The following FBXL17 variants were observed in gnomAD, a reference collection of about 807,000 sequenced individuals.
FBXL17 encodes F-box and leucine rich repeat protein 17.
Under a neutral mutation model 66.2 loss-of-function variants are expected in FBXL17, and 22 were observed. The observed-to-expected ratio is 0.33, with a 90% CI of 0.24 to 0.47. The LOEUF (loss-of-function observed/expected upper bound fraction) is 0.47. FBXL17 is among the 20% of genes least tolerant of loss of function. The probability of loss-of-function intolerance (pLI) is 1.00; values close to 1 mark genes in which losing one functional copy is unlikely to be tolerated. For missense variants in FBXL17, 878 were observed against 948.2 expected, an observed-to-expected ratio of 0.93 and a Z score of 0.97; for synonymous variants, 474 against 400.5, an observed-to-expected ratio of 1.18 and a Z score of -2.19.
In FBXL17 at chr5:108,053,350, GA is replaced by G. The variant is rs935264017; in HGVS notation, c.1746-32350del. ...ACAAGAAACTTAAACAAATTTACAA[GA>G]AAAAAAACAACCCTATCAAAAAGTG... is the stretch of plus-strand genomic sequence containing the variant. On this transcript the variant is annotated intron_variant, in intron 6 of 8. Coordinates refer to ENST00000542267, the MANE Select transcript of FBXL17 (RefSeq NM_001163315.3). 1.1e-4 allele frequency among the ~76,000 whole-genome samples: 17 copies of G among 151,072 alleles called. No homozygotes were observed. In the East Asian group the frequency reaches 2.2e-3, roughly 19 times the overall value.
chr5:108,328,536 G>T (rs1175715317), intron 4 of FBXL17, among the ~76,000 whole-genome samples: 3 of 152,012 alleles, frequency 2.0e-5, no homozygotes, highest in Non-Finnish European at 2.9e-5. Context: ...CAATAATGAA[G>T]TCTTGTAGAA....
intron 1 of FBXL17, among the ~76,000 whole-genome samples, chr5:108,371,821 TG>T (rs1162495528): frequency 2.6e-5 from 4 of 152,218 alleles, no homozygotes; most frequent in Non-Finnish European, 5.9e-5. Flanking sequence ...TTAGAGCAAG[TG>T]GAAGTGTTAT....
At chr5:108,254,442 T>C (rs184248244) in intron 4 of FBXL17, among the ~76,000 whole-genome samples, 108 of 152,296 alleles carry the variant, frequency 7.1e-4, no homozygotes, top group African/African-American at 2.6e-3. Flanking sequence ...GCTTTCCTTT[T>C]CTCCACTGTT....
chr5:108,193,104 C>T (rs1753535769), intron 5 of FBXL17, among the ~76,000 whole-genome samples: 1 of 152,182 alleles, frequency 6.6e-6, no homozygotes. Context: ...CAGTACTGCA[C>T]ATATTGACTT....
At chr5:108,030,922 A>C (rs1031587574) in intron 6 of FBXL17, among the ~76,000 whole-genome samples, 6 of 152,096 alleles carry the variant, frequency 3.9e-5, no homozygotes, top group African/African-American at 7.2e-5. Flanking sequence ...TATAGAAAAA[A>C]ATAAAGTTAG....
At chr5:108,192,634 A>G (rs760161657) in intron 5 of FBXL17, among the ~76,000 whole-genome samples, 10 of 152,144 alleles carry the variant, frequency 6.6e-5, no homozygotes, top group Non-Finnish European at 1.3e-4. Context: ...TCTACTAAAA[A>G]TACAAAAATT....
chr5:107,985,551 T>C (rs1424067571), intron 7 of FBXL17, among the ~76,000 whole-genome samples: 1 of 152,212 alleles, frequency 6.6e-6, no homozygotes, highest in Non-Finnish European at 1.5e-5. Context: ...CCTTCTTAAA[T>C]TAGTCTCTTG....
intron 4 of FBXL17, among the ~76,000 whole-genome samples, chr5:108,303,449 C>T (rs1758692553): frequency 6.6e-6 from 1 of 151,428 alleles, no homozygotes. Context: ...GTTGGTCTTC[C>T]AATTTAAGAC....
At chr5:107,972,215 A>G (rs1325106358) in intron 7 of FBXL17, among the ~76,000 whole-genome samples, 1 of 152,260 alleles carries the variant, frequency 6.6e-6, no homozygotes, top group Non-Finnish European at 1.5e-5. Context: ...AGAGAAAACA[A>G]AAAGTGTACT....
intron 6 of FBXL17, among the ~76,000 whole-genome samples, chr5:108,137,896 C>A (rs774328126): frequency 6.6e-6 from 1 of 152,092 alleles, no homozygotes. Flanking sequence ...CCTAGACTAT[C>A]GATAATCTGG....
chr5:108,315,958 C>T (rs1759342891), intron 4 of FBXL17, among the ~76,000 whole-genome samples: 1 of 151,266 alleles, frequency 6.6e-6, no homozygotes, highest in South Asian at 2.1e-4. Context: ...GGGCACAAAA[C>T]ATAATTGGAG....
intron 6 of FBXL17, among the ~76,000 whole-genome samples, chr5:108,052,488 C>G (rs374494385): frequency 5.9e-5 from 9 of 152,164 alleles, no homozygotes; most frequent in Non-Finnish European, 1.2e-4. Flanking sequence ...ATACAGCTAA[C>G]AAGGGATGTG....
chr5:108,322,003 C>T (rs1759642343), intron 4 of FBXL17, among the ~76,000 whole-genome samples: 2 of 151,862 alleles, frequency 1.3e-5, no homozygotes, highest in African/African-American at 4.8e-5. Flanking sequence ...TCAGATACCA[C>T]TTCTTGACTG....
rs569684627 is a variant in FBXL17 at position 108,276,213 on chromosome 5, T to C, written c.1507-51985A>G. 9.2e-5 allele frequency among the ~76,000 whole-genome samples: 14 copies of C among 152,312 alleles called. No individual in the cohort carries two copies. The Middle Eastern group carries it at 0.01, about 112-fold the overall frequency. On this transcript the variant is annotated intron_variant, in intron 4 of 8. Transcript: ENST00000542267. ...CACTGTACTACAGAACTTTAAGAAA[T>C]TGACATAGCAGTTTATTTTAAATCC...
chr5:107,995,530 T>A (rs1334619755), intron 7 of FBXL17, among the ~76,000 whole-genome samples: 1 of 151,778 alleles, frequency 6.6e-6, no homozygotes, highest in African/African-American at 2.4e-5. Context: ...CCCTTACTTT[T>A]AAGAAAAAAA....
chr5:107,895,912 TTCTC>T (rs1201811594), intron 7 of FBXL17, among the ~76,000 whole-genome samples: 2 of 152,164 alleles, frequency 1.3e-5, no homozygotes, highest in African/African-American at 4.8e-5. Flanking sequence ...TTCTGGCACT[TTCTC>T]TCTGTCATCC....
chr5:107,943,109 G>A (rs1443618011), intron 7 of FBXL17, among the ~76,000 whole-genome samples: 1 of 152,018 alleles, frequency 6.6e-6, no homozygotes, highest in East Asian at 1.9e-4. Context: ...ATGTAGGTGA[G>A]CCCAGGCTCT....
chr5:108,008,087 C>G (rs1313958245), intron 7 of FBXL17, among the ~76,000 whole-genome samples: 1 of 152,130 alleles, frequency 6.6e-6, no homozygotes, highest in Non-Finnish European at 1.5e-5. Flanking sequence ...AACAATAATA[C>G]ACTTCACAGG....
At position 107,859,137 on chromosome 5, in the gene FBXL17, A is replaced by G. The variant is rs1005668232; in HGVS notation, c.*2583T>C. 4 of 152,206 alleles carry G rather than the reference A, an allele frequency of 2.6e-5. No individual in the cohort carries two copies. The highest frequency in any genetic ancestry group is 5.9e-5 in the Non-Finnish European group (4 of 68,030). The allele number at this position is 152,206 out of a possible 1,614,324, so 9.4% of individuals were successfully genotyped here. On this transcript the variant is annotated 3_prime_UTR_variant, in exon 9 of 9. Coordinates refer to ENST00000542267, the MANE Select transcript of FBXL17 (RefSeq NM_001163315.3). ...TTCTTTATCCACTCAAAAAGACATT[A>G]AAGACAAAGGACCAGAATTTTCCAC...
Sources: allele counts gnomAD v4.1 joint callset (sites outside exome capture counted in the v4.1 genomes callset), GRCh38; gene constraint gnomAD v4.1.1; transcripts MANE v1.5; gene names NCBI Gene and HGNC (gene_info 2026-07-23, HGNC 2026-07-21).